GRM8: variants seen among roughly 807,000 people sequenced by gnomAD.
GRM8 encodes the protein glutamate metabotropic receptor 8, also known as metabotropic glutamate receptor 8.
A neutral mutation model predicts 87.2 loss-of-function variants in GRM8; 47 were observed. The observed-to-expected ratio is 0.54, with a 90% CI of 0.43 to 0.69. GRM8 has a LOEUF of 0.69. Ranked by LOEUF, GRM8 falls within the 30% of genes least tolerant of loss-of-function variation. The probability of loss-of-function intolerance (pLI) is 0.00; values close to 1 mark genes in which losing one functional copy is unlikely to be tolerated. For synonymous variants in GRM8, 396 were observed against 404.5 expected, an observed-to-expected ratio of 0.98 and a Z score of 0.25; for missense variants, 1,019 against 1,139.2, an observed-to-expected ratio of 0.89 and a Z score of 1.52.
chr7:127,066,242 G>A (rs968504091), intron 3 of GRM8, among the ~76,000 whole-genome samples: 2 of 152,134 alleles, frequency 1.3e-5, no homozygotes, highest in African/African-American at 2.4e-5. Context: ...ATTTAGTAGA[G>A]CAATAGATCC....
At chr7:126,501,504 T>G (rs1320102701) in intron 9 of GRM8, among the ~76,000 whole-genome samples, 1 of 151,874 alleles carries the variant, frequency 6.6e-6, no homozygotes, top group Non-Finnish European at 1.5e-5. Flanking sequence ...AAAGTGGCAG[T>G]CAGTGAAGAA....
intron 6 of GRM8, among the ~76,000 whole-genome samples, chr7:126,885,274 G>A (rs1264457148): frequency 6.6e-6 from 1 of 152,170 alleles, no homozygotes; most frequent in Non-Finnish European, 1.5e-5. Context: ...CACCCTGAGT[G>A]TATTCATAGT....
At chr7:126,978,493 G>C (rs771475633) in intron 3 of GRM8, among the ~76,000 whole-genome samples, 1 of 152,182 alleles carries the variant, frequency 6.6e-6, no homozygotes, top group Non-Finnish European at 1.5e-5. Flanking sequence ...GAGGTGTTGT[G>C]TTTGACCCCA....
chr7:126,828,670 C>G (rs1195603019), intron 6 of GRM8, among the ~76,000 whole-genome samples: 4 of 152,114 alleles, frequency 2.6e-5, no homozygotes, highest in Non-Finnish European at 5.9e-5. Context: ...CTCCTGGATT[C>G]ATTAATTTTT....
chr7:126,947,867 T>C (rs2131584511), intron 3 of GRM8, among the ~76,000 whole-genome samples: 1 of 152,260 alleles, frequency 6.6e-6, no homozygotes, highest in South Asian at 2.1e-4. Context: ...TTAAACTGGC[T>C]AATGGTGCTC....
At chr7:127,202,375 G>T (rs1001293546) in intron 2 of GRM8, among the ~76,000 whole-genome samples, 2 of 152,032 alleles carry the variant, frequency 1.3e-5, no homozygotes, top group Admixed American at 1.3e-4. Context: ...ACAGGGTTTT[G>T]CCATGTTGGC....
intron 7 of GRM8, among the ~76,000 whole-genome samples, chr7:126,625,775 C>T (rs961153749): frequency 6.6e-6 from 1 of 151,654 alleles, no homozygotes; most frequent in Non-Finnish European, 1.5e-5. Context: ...AGAAAAGTAA[C>T]CACAGAGACT....
intron 6 of GRM8, among the ~76,000 whole-genome samples, chr7:126,800,775 T>C (rs1477545327): frequency 6.6e-6 from 1 of 152,152 alleles, no homozygotes; most frequent in African/African-American, 2.4e-5. Context: ...AATATTTCCC[T>C]GCCTTGAGAA....
chr7:127,005,716 C>T lies in GRM8; in HGVS notation c.727+100780G>A, dbSNP rs143193714. Among the ~76,000 whole-genome samples the T allele has an allele frequency of 7.1e-3, 1,083 of 151,972 alleles. 14 individuals carry two copies. Among genetic ancestry groups the T allele is most frequent in the South Asian group, 0.035 (169 of 4,820 alleles). On this transcript the variant is annotated intron_variant, in intron 3 of 10. Transcript: ENST00000339582. The stretch of plus-strand genomic sequence containing the variant: ...CTTTAGTAACTCCAATATTCCTTAT[C>T]CTCTTTTTCTCCTGTGTTCACCTAA...
At chr7:127,159,758 C>T (rs1028715166) in intron 2 of GRM8, among the ~76,000 whole-genome samples, 7 of 151,800 alleles carry the variant, frequency 4.6e-5, no homozygotes, top group Middle Eastern at 3.4e-3. Context: ...ATAAGAGTTA[C>T]GGTTATTTAA....
chr7:126,616,386 G>C (rs984085551), intron 7 of GRM8, among the ~76,000 whole-genome samples: 1 of 152,238 alleles, frequency 6.6e-6, no homozygotes, highest in South Asian at 2.1e-4. Context: ...GTGTGTAGAG[G>C]GAAATTTATA....
At chr7:127,152,718 G>A in intron 2 of GRM8, among the ~76,000 whole-genome samples, 1 of 152,228 alleles carries the variant, frequency 6.6e-6, no homozygotes, top group African/African-American at 2.4e-5. Flanking sequence ...ATGATACAGA[G>A]ATTATTTCTT....
rs1295968383 is a variant in GRM8 at position 126,940,718 on chromosome 7, T to C, written c.728-36035A>G. Among the ~76,000 whole-genome samples the C allele has an allele frequency of 2.0e-5, 3 of 152,222 alleles. No individual in the cohort carries two copies. In the East Asian group the frequency reaches 5.8e-4, roughly 29 times the overall value. ...TCCAGAACTCCTGGTTATGCTATAA[T>C]ATCCCTTGCTGTCTTCTATGATTGT... On this transcript the variant is annotated intron_variant, in intron 3 of 10. Transcript: ENST00000339582.
At chr7:126,613,077 C>A (rs1393331369) in intron 7 of GRM8, among the ~76,000 whole-genome samples, 1 of 152,058 alleles carries the variant, frequency 6.6e-6, no homozygotes, top group Non-Finnish European at 1.5e-5. Flanking sequence ...TACTTCAACC[C>A]TTTTTCAGGA....
intron 2 of GRM8, among the ~76,000 whole-genome samples, chr7:127,192,481 G>C (rs1408580878): frequency 6.6e-6 from 1 of 152,188 alleles, no homozygotes; most frequent in Non-Finnish European, 1.5e-5. Context: ...AAAGCTCTCT[G>C]AGCTCCTGTG....
chr7:127,241,662 C>T (rs1488230093), intron 2 of GRM8, among the ~76,000 whole-genome samples: 2 of 152,120 alleles, frequency 1.3e-5, no homozygotes, highest in Non-Finnish European at 2.9e-5. Context: ...GTCTCAATCT[C>T]CTGACCTCAT....
intron 7 of GRM8, among the ~76,000 whole-genome samples, chr7:126,698,261 T>C (rs1278437896): frequency 6.6e-6 from 1 of 152,106 alleles, no homozygotes; most frequent in African/African-American, 2.4e-5. Context: ...GGAAGGGGAA[T>C]TATGTAGTGG....
intron 3 of GRM8, among the ~76,000 whole-genome samples, chr7:127,075,675 A>G (rs1325091715): frequency 2.6e-5 from 4 of 152,120 alleles, no homozygotes; most frequent in Non-Finnish European, 5.9e-5. Flanking sequence ...TGTTGAATCT[A>G]ATTTATGACA....
At chr7:127,114,348 A>G (rs1364593912) in intron 2 of GRM8, among the ~76,000 whole-genome samples, 1 of 152,146 alleles carries the variant, frequency 6.6e-6, no homozygotes, top group Non-Finnish European at 1.5e-5. Flanking sequence ...CCAGGAGTAC[A>G]CTATATTGCA....
Sources: allele counts gnomAD v4.1 joint callset (sites outside exome capture counted in the v4.1 genomes callset), GRCh38; gene constraint gnomAD v4.1.1; transcripts MANE v1.5; gene names NCBI Gene and HGNC (gene_info 2026-07-23, HGNC 2026-07-21).